CYP1B1: variants seen among roughly 807,000 people sequenced by gnomAD.
CYP1B1 encodes cytochrome P450 1B1.
CYP1B1 carries 22 observed loss-of-function variants against 29.9 expected under a neutral mutation model. The ratio of observed to expected loss-of-function variants is 0.74; its 90% confidence interval spans 0.53 to 1.05. The LOEUF (loss-of-function observed/expected upper bound fraction) is 1.05, where lower values mean the gene tolerates loss of function less well. Ranked by LOEUF, CYP1B1 falls within the 50% of genes least tolerant of loss-of-function variation. The pLI is 0.00. For synonymous variants in CYP1B1, 375 were observed against 320.0 expected, an observed-to-expected ratio of 1.17 and a Z score of -1.83; for missense variants, 883 against 746.9, an observed-to-expected ratio of 1.18 and a Z score of -2.12.
chr2:38,070,425 T>C lies in CYP1B1; in HGVS notation c.*297A>G. On this transcript the variant is annotated 3_prime_UTR_variant, in exon 3 of 3. Transcript: ENST00000610745. ...TTGGGTGTATGTGTCTATATGTGCA[T>C]TTTAACTCCAAAGAATGCTACCTTC... is the stretch of plus-strand genomic sequence containing the variant. The C allele has an allele frequency of 2.2e-6, 1 of 460,062 alleles. No homozygotes were observed. The highest frequency in any genetic ancestry group is 4.0e-6 in the Non-Finnish European group (1 of 252,184). 28.5% of individuals were successfully genotyped at this position (460,062 alleles called of 1,614,324 possible). A position where few individuals can be genotyped will look rare whatever the true frequency, so the allele number is the denominator to read the frequency against.
intron 1 of CYP1B1, 122 bp from the exon 2 acceptor site, chr2:38,075,511 T>C (rs994919757): frequency 2.0e-6 from 2 of 982,908 alleles, no homozygotes; most frequent in Admixed American, 2.1e-5. Context: ...GAGCTGACTC[T>C]CTGGAGAAAT....
rs1343562131 is a variant in CYP1B1 at position 38,069,989 on chromosome 2, T to C, written c.*733A>G. Reference sequence around the variant, plus strand: ...AGAGGTACAACATCACCTTGGAGTTTTACAATTTAATAATGCATACTTTAA... The same window carrying C: ...AGAGGTACAACATCACCTTGGAGTTCTACAATTTAATAATGCATACTTTAA... On this transcript the variant is annotated 3_prime_UTR_variant, in exon 3 of 3. Transcript: ENST00000610745. 4.9e-6 allele frequency: 1 copy of C among 202,914 alleles called. No homozygotes were observed. The highest frequency in any genetic ancestry group is 1.0e-5 in the Non-Finnish European group (1 of 98,892). The allele number at this position is 202,914 out of a possible 1,614,324, so 12.6% of individuals were successfully genotyped here.
rs2125314214 is a variant in CYP1B1, at chr2:38,069,706, C to T, written c.*1016G>A. On this transcript the variant is annotated 3_prime_UTR_variant, in exon 3 of 3. Coordinates refer to ENST00000610745, the MANE Select transcript of CYP1B1 (RefSeq NM_000104.4). ...GATTTAATCAAGCTCATTTTTAGCA[C>T]ACTTGGTTGCGTTAGTTGTACTTTT... 5.0e-6 allele frequency: 1 copy of T among 201,574 alleles called. No homozygotes were observed. Among genetic ancestry groups the T allele is most frequent in the East Asian group, 7.7e-5 (1 of 12,958 alleles). The allele number at this position is 201,574 out of a possible 1,614,324, so 12.5% of individuals were successfully genotyped here.
Position 38,069,639 on chromosome 2 carries a change from A to G in CYP1B1, c.*1083T>C. 1 of 201,300 alleles carries G rather than the reference A, an allele frequency of 5.0e-6. No homozygotes were observed. The highest frequency in any genetic ancestry group is 2.3e-5 in the African/African-American group (1 of 43,738). The allele number at this position is 201,300 out of a possible 1,614,324, so 12.5% of individuals were successfully genotyped here. On this transcript the variant is annotated 3_prime_UTR_variant, in exon 3 of 3. Coordinates refer to ENST00000610745, the MANE Select transcript of CYP1B1 (RefSeq NM_000104.4). Reference sequence around the variant, plus strand: ...GAGATTCGCCAAAATTTGAGTGAAGAAAAGAAACCCTGCTTCATTTCCATG... The same window carrying G: ...GAGATTCGCCAAAATTTGAGTGAAGGAAAGAAACCCTGCTTCATTTCCATG...
In CYP1B1 at chr2:38,070,502, T is replaced by C. The variant is rs1682404576; in HGVS notation, c.*220A>G. 3.6e-6 allele frequency: 2 copies of C among 552,958 alleles called. No homozygotes were observed. The highest frequency in any genetic ancestry group is 6.3e-5 in the East Asian group (2 of 31,776). The allele number at this position is 552,958 out of a possible 1,614,324, so 34.3% of individuals were successfully genotyped here. A position where few individuals can be genotyped will look rare whatever the true frequency, so the allele number is the denominator to read the frequency against. On this transcript the variant is annotated 3_prime_UTR_variant, in exon 3 of 3. Transcript: ENST00000610745. The stretch of plus-strand genomic sequence containing the variant: ...ATAATAATTCATTGGGCCCTTTAAG[T>C]CTTTGACTCAAAAAAATCTCCCAGA...
In CYP1B1 at chr2:38,068,162, T is replaced by C; in HGVS notation, c.*2560A>G. 2 of 212,770 alleles carry C rather than the reference T, an allele frequency of 9.4e-6. No homozygotes were observed. Among genetic ancestry groups the C allele is most frequent in the African/African-American group, 2.3e-5 (1 of 44,328 alleles). 13.2% of individuals were successfully genotyped at this position (212,770 alleles called of 1,614,324 possible). ...GGAGTAAAACTTCTGACTTTAATGG[T>C]TGTCAGCAAATACATTCTCTCTCCG... On this transcript the variant is annotated 3_prime_UTR_variant, in exon 3 of 3. Transcript: ENST00000610745.
Position 38,069,379 on chromosome 2 carries a change from G to C in CYP1B1, c.*1343C>G. 4.6e-6 allele frequency: 1 copy of C among 216,182 alleles called. No individual in the cohort carries two copies. The highest frequency in any genetic ancestry group is 9.3e-6 in the Non-Finnish European group (1 of 107,382). 13.4% of individuals were successfully genotyped at this position (216,182 alleles called of 1,614,324 possible). A position where few individuals can be genotyped will look rare whatever the true frequency, so the allele number is the denominator to read the frequency against. ...TCATGGCATTTTCCATTATTCATTG[G>C]GCAGACACAGCTTAGATTTCTCTGC... On this transcript the variant is annotated 3_prime_UTR_variant, in exon 3 of 3. Transcript: ENST00000610745.
In CYP1B1 at chr2:38,070,949, G is replaced by A. The variant is rs28936701; in HGVS notation, c.1405C>T (p.Arg469Trp). 67 of 1,614,126 alleles carry A rather than the reference G, an allele frequency of 4.2e-5. 1 individual carries two copies. In the Middle Eastern group the frequency reaches 9.9e-4, roughly 24 times the overall value. ...TTAGAAAGTTCTTCGCCAATGCACC[G>A]CCTTTTGCCCACTGAAAAAATCATC... Reference protein sequence around the residue: ...RVMIFSVGKRRCIGEELSKMQ... With the variant: ...RVMIFSVGKRWCIGEELSKMQ... Residue 469 changes from arginine (R) to tryptophan (W), a missense_variant, in exon 3 of 3, where the codon CGG (arginine) becomes TGG (tryptophan). Arg to Trp is a moderately radical substitution (Grantham distance 101). Transcript: ENST00000610745.
intron 2 of CYP1B1, among the ~76,000 whole-genome samples, chr2:38,072,075 A>T (rs892119857): frequency 2.0e-5 from 3 of 152,260 alleles, no homozygotes; most frequent in Non-Finnish European, 4.4e-5. Flanking sequence ...AAACTGATAC[A>T]ATCTTTTTAA....
Position 38,074,880 on chromosome 2 carries a change from A to G in CYP1B1, c.509T>C (p.Val170Ala). 6.4e-7 allele frequency: 1 copy of G among 1,556,292 alleles called. No homozygotes were observed. The highest frequency in any genetic ancestry group is 8.7e-7 in the Non-Finnish European group (1 of 1,153,124). ...PRSRQVLEGHVLSEARELVAL... is the reference protein window; with the variant it reads ...PRSRQVLEGHALSEARELVAL... ...CACCAGCTCGCGCGCCTCGCTCAGC[A>G]CGTGGCCCTCGAGGACTTGGCGGCT... Residue 170 changes from valine to alanine, a missense_variant, in exon 2 of 3, where the codon GTG (valine) becomes GCG (alanine). By Grantham distance (64) the Val-to-Ala change is moderately conservative. Transcript: ENST00000610745.
chr2:38,068,600 A>T lies in CYP1B1; in HGVS notation c.*2122T>A, dbSNP rs1682362138. The T allele has an allele frequency of 8.8e-6, 2 of 228,188 alleles. No homozygotes were observed. Among genetic ancestry groups the T allele is most frequent in the East Asian group, 1.3e-4 (2 of 15,920 alleles). The allele number at this position is 228,188 out of a possible 1,614,324, so 14.1% of individuals were successfully genotyped here. A position where few individuals can be genotyped will look rare whatever the true frequency, so the allele number is the denominator to read the frequency against. On this transcript the variant is annotated 3_prime_UTR_variant, in exon 3 of 3. Transcript: ENST00000610745. ...CCAAAAAATTTAAATGTACTGGGCA[A>T]GCCTGCTTTGTGTAGTTGACTCTAA...
chr2:38,074,164 G>T, intron 2 of CYP1B1, 182 bp downstream of exon 2: 1 of 676,528 alleles, frequency 1.5e-6, no homozygotes, highest in Non-Finnish European at 2.5e-6. Flanking sequence ...TGGGTGGGGC[G>T]CGTGCGCGTG....
chr2:38,069,842 C>CT lies in CYP1B1; in HGVS notation c.*879dup, dbSNP rs4646433. 1.7e-3 allele frequency: 311 copies of CT among 181,968 alleles called. 4 individuals carry two copies. Among genetic ancestry groups the CT allele is most frequent in the Middle Eastern group, 2.0e-3 (1 of 510 alleles). 11.3% of individuals were successfully genotyped at this position (181,968 alleles called of 1,614,324 possible). On this transcript the variant is annotated 3_prime_UTR_variant, in exon 3 of 3. Transcript: ENST00000610745. ...TAATATATTTCACACTATTTGGTGA[C>CT]TTTTTTTTTTAACCTATGAGACTTA...
Position 38,069,717 on chromosome 2 carries a change from G to A in CYP1B1, c.*1005C>T, listed in dbSNP as rs35978993. 60 of 200,594 alleles carry A rather than the reference G, an allele frequency of 3.0e-4. No homozygotes were observed. The highest frequency in any genetic ancestry group is 9.2e-4 in the African/African-American group (40 of 43,630). The allele number at this position is 200,594 out of a possible 1,614,324, so 12.4% of individuals were successfully genotyped here. On this transcript the variant is annotated 3_prime_UTR_variant, in exon 3 of 3. Transcript: ENST00000610745. The stretch of plus-strand genomic sequence containing the variant: ...GCTCATTTTTAGCACACTTGGTTGC[G>A]TTAGTTGTACTTTTCAATTTTCAAT...
In CYP1B1 at chr2:38,075,127, G is replaced by T. The variant is rs1407122064; in HGVS notation, c.262C>A (p.Arg88Ser). 3 of 1,578,760 alleles carry T rather than the reference G, an allele frequency of 1.9e-6. 1 individual carries two copies. Among genetic ancestry groups the T allele is most frequent in the South Asian group, 2.3e-5 (2 of 88,516 alleles). The change falls in exon 2 of 3, where the codon CGC becomes AGC. Residue 88 changes from arginine to serine, a missense_variant. Physicochemically the swap from Arg to Ser is moderately radical, Grantham distance 110. Transcript: ENST00000610745. ...ARRYGDVFQI[R>S]LGSCPIVVLN... is the part of the protein sequence containing the mutation. ...ACCACTATGGGGCAGCTGCCCAGGC[G>T]GATCTGGAAAACGTCGCCGTAGCGC...
chr2:38,069,558 A>G lies in CYP1B1; in HGVS notation c.*1164T>C. ...TTCAAAACAAGATTCTGTATTATAA[A>G]TAGAATTTCAATAAAGATGTTATAA... On this transcript the variant is annotated 3_prime_UTR_variant, in exon 3 of 3. Transcript: ENST00000610745. The G allele has an allele frequency of 5.1e-6, 1 of 194,992 alleles. No individual in the cohort carries two copies. Among genetic ancestry groups the G allele is most frequent in the Non-Finnish European group, 1.1e-5 (1 of 93,860 alleles). The allele number at this position is 194,992 out of a possible 1,614,324, so 12.1% of individuals were successfully genotyped here. A position where few individuals can be genotyped will look rare whatever the true frequency, so the allele number is the denominator to read the frequency against.
Position 38,067,525 on chromosome 2 carries a change from T to C in CYP1B1, c.*3197A>G, listed in dbSNP as rs1682330167. 6.0e-6 allele frequency: 1 copy of C among 165,748 alleles called. No homozygotes were observed. Among genetic ancestry groups the C allele is most frequent in the South Asian group, 2.0e-4 (1 of 4,954 alleles). The allele number at this position is 165,748 out of a possible 1,614,324, so 10.3% of individuals were successfully genotyped here. On this transcript the variant is annotated 3_prime_UTR_variant, in exon 3 of 3. Coordinates refer to ENST00000610745, the MANE Select transcript of CYP1B1 (RefSeq NM_000104.4). ...AATAAAATGTTTACAGTGCAATATT[T>C]TAATTGAATAATCCATAGTAATAGT...
Position 38,070,590 on chromosome 2 carries a change from G to A in CYP1B1, c.*132C>T. The A allele has an allele frequency of 3.7e-6, 3 of 815,874 alleles. No individual in the cohort carries two copies. In the South Asian group the frequency reaches 4.7e-5, roughly 13 times the overall value. 50.5% of individuals were successfully genotyped at this position (815,874 alleles called of 1,614,324 possible). Reference sequence around the variant, plus strand: ...GGTATGGAGCACACCTCACCTGATGGACAGTTGATTTATGCTCACCTTAAA... The same window carrying A: ...GGTATGGAGCACACCTCACCTGATGAACAGTTGATTTATGCTCACCTTAAA... On this transcript the variant is annotated 3_prime_UTR_variant, in exon 3 of 3. Transcript: ENST00000610745.
Position 38,069,216 on chromosome 2 carries a change from A to G in CYP1B1, c.*1506T>C, listed in dbSNP as rs900213563. The G allele has an allele frequency of 3.1e-5, 7 of 224,966 alleles. No homozygotes were observed. The highest frequency in any genetic ancestry group is 4.4e-5 in the Non-Finnish European group (5 of 112,888). 13.9% of individuals were successfully genotyped at this position (224,966 alleles called of 1,614,324 possible). A position where few individuals can be genotyped will look rare whatever the true frequency, so the allele number is the denominator to read the frequency against. The stretch of plus-strand genomic sequence containing the variant: ...TCTTTTCCAAACAGCTTCCAAGACT[A>G]TCTTCTGATTCTGACTTTCCAAAAA... On this transcript the variant is annotated 3_prime_UTR_variant, in exon 3 of 3. Transcript: ENST00000610745.
Sources: allele counts gnomAD v4.1 joint callset (sites outside exome capture counted in the v4.1 genomes callset), GRCh38; gene constraint gnomAD v4.1.1; transcripts MANE v1.5; gene names NCBI Gene and HGNC (gene_info 2026-07-23, HGNC 2026-07-21).